The following PPP1R9A variants were observed in gnomAD, a reference collection of about 807,000 sequenced individuals.
PPP1R9A encodes neurabin-1.
In PPP1R9A, 59 loss-of-function variants were observed where a neutral mutation model predicts 141.9. That is an observed-to-expected ratio of 0.42 (90% CI 0.34 to 0.52). The LOEUF is 0.52. Ranked by LOEUF, PPP1R9A falls within the 20% of genes least tolerant of loss-of-function variation. The probability of loss-of-function intolerance (pLI) is 0.10; values close to 1 mark genes in which losing one functional copy is unlikely to be tolerated. For synonymous variants in PPP1R9A, 500 were observed against 569.7 expected (o/e 0.88, Z 1.74); for missense variants, 1,444 against 1,611.9 (o/e 0.90, Z 1.78).
chr7:94,958,473 A>C (rs560993245), intron 2 of PPP1R9A, among the ~76,000 whole-genome samples: 52 of 152,188 alleles, frequency 3.4e-4, no homozygotes, highest in African/African-American at 1.2e-3. Flanking sequence ...TACAGAAAAA[A>C]TATTCACCAA....
At chr7:95,181,121 C>T (rs902023551) in intron 5 of PPP1R9A, among the ~76,000 whole-genome samples, 8 of 149,480 alleles carry the variant, frequency 5.4e-5, no homozygotes, top group African/African-American at 1.2e-4. Flanking sequence ...ATGGAGCCAA[C>T]GCAAATGCCC....
intron 2 of PPP1R9A, among the ~76,000 whole-genome samples, chr7:95,020,096 TAAAG>T (rs1279492659): frequency 1.3e-5 from 2 of 152,206 alleles, no homozygotes; most frequent in Admixed American, 6.5e-5. Context: ...TAATTACCCT[TAAAG>T]AAGCCAGACC....
chr7:94,994,846 C>A (rs532594361), intron 2 of PPP1R9A, among the ~76,000 whole-genome samples: 96 of 151,674 alleles, frequency 6.3e-4, no homozygotes, highest in African/African-American at 2.2e-3. Flanking sequence ...GAGTTGACAT[C>A]GCGCCACCAC....
At position 95,196,688 on chromosome 7, in the gene PPP1R9A, A is replaced by G. The variant is rs148542588; in HGVS notation, c.1755-1661A>G. Among the ~76,000 whole-genome samples, 684 of 152,322 alleles carry G rather than the reference A, an allele frequency of 4.5e-3. 4 individuals carry two copies. The highest frequency in any genetic ancestry group is 0.015 in the African/African-American group (618 of 41,582). On this transcript the variant is annotated intron_variant, in intron 5 of 19. Coordinates refer to ENST00000433360, the MANE Select transcript of PPP1R9A (RefSeq NM_001166160.2). ...AAACCTCCAAATCATTGTGGTGAGC[A>G]AAACAAGCTAGATACTCTAAAATTC...
At chr7:95,274,269 A>C in intron 16 of PPP1R9A, 101 bp downstream of exon 16, 1 of 1,085,560 alleles carries the variant, frequency 9.2e-7, no homozygotes, top group Non-Finnish European at 1.3e-6. Flanking sequence ...CTTTGAGCTA[A>C]AGTGATATGC....
chr7:95,008,395 G>T (rs1454056907), intron 2 of PPP1R9A, among the ~76,000 whole-genome samples: 2 of 152,090 alleles, frequency 1.3e-5, no homozygotes, highest in African/African-American at 4.8e-5. Context: ...ATCTCTATTT[G>T]CCAAGAGGAA....
chr7:95,281,903 A>G (rs1282770142), intron 16 of PPP1R9A, among the ~76,000 whole-genome samples: 6 of 152,238 alleles, frequency 3.9e-5, no homozygotes, highest in Non-Finnish European at 7.3e-5. Flanking sequence ...TCAGAAATCT[A>G]TAACCAGAGG....
intron 16 of PPP1R9A, among the ~76,000 whole-genome samples, chr7:95,277,308 C>T (rs919546801): frequency 4.6e-5 from 7 of 151,934 alleles, no homozygotes; most frequent in East Asian, 1.9e-4. Flanking sequence ...GATACATGCG[C>T]GACATGAGAC....
chr7:95,165,200 G>C (rs755567361), intron 5 of PPP1R9A, among the ~76,000 whole-genome samples: 1 of 151,970 alleles, frequency 6.6e-6, no homozygotes, highest in Non-Finnish European at 1.5e-5. Context: ...TTTCTTTTGG[G>C]TTTTCTACTG....
intron 2 of PPP1R9A, among the ~76,000 whole-genome samples, chr7:95,074,905 T>C (rs1460938683): frequency 1.3e-5 from 2 of 152,180 alleles, no homozygotes; most frequent in Non-Finnish European, 2.9e-5. Flanking sequence ...ATATGATAGG[T>C]GATGAATGCT....
rs1275189576 is a variant in PPP1R9A at position 94,909,231 on chromosome 7, CATAATTA to C, written c.-216-661_-216-655del. Among the ~76,000 whole-genome samples the C allele has an allele frequency of 3.3e-5, 5 of 152,308 alleles. No homozygotes were observed. In the South Asian group the frequency reaches 1.0e-3, roughly 32 times the overall value. On this transcript the variant is annotated intron_variant, in intron 1 of 19. Coordinates refer to ENST00000433360, the MANE Select transcript of PPP1R9A (RefSeq NM_001166160.2). Reference sequence around the variant, plus strand: ...TCCCTTGGTAGTCTGCATCCCACTCCATAATTAATAATAACCACTGTTAGGAAACTTC... The same window carrying C: ...TCCCTTGGTAGTCTGCATCCCACTCCATAATAACCACTGTTAGGAAACTTC...
chr7:95,094,149 T>C (rs1341490669), intron 2 of PPP1R9A, among the ~76,000 whole-genome samples: 1 of 152,162 alleles, frequency 6.6e-6, no homozygotes, highest in Admixed American at 6.5e-5. Context: ...AATTTTTGGA[T>C]GATAGGATGA....
chr7:95,021,902 G>C (rs143651474), intron 2 of PPP1R9A, among the ~76,000 whole-genome samples: 2 of 152,092 alleles, frequency 1.3e-5, no homozygotes, highest in African/African-American at 4.8e-5. Context: ...GTTAGGTAGC[G>C]TGATGGCTCC....
chr7:95,052,076 G>A (rs1158407753), intron 2 of PPP1R9A, among the ~76,000 whole-genome samples: 1 of 152,116 alleles, frequency 6.6e-6, no homozygotes, highest in Non-Finnish European at 1.5e-5. Context: ...CTGACCTCAA[G>A]TGATTCACCT....
chr7:94,931,672 A>G (rs1477385741), intron 2 of PPP1R9A, among the ~76,000 whole-genome samples: 3 of 152,076 alleles, frequency 2.0e-5, no homozygotes, highest in Non-Finnish European at 4.4e-5. Flanking sequence ...TCCACCTCCC[A>G]GGTTTAAGTG....
chr7:95,055,125 T>C (rs1811339927), intron 2 of PPP1R9A, among the ~76,000 whole-genome samples: 1 of 152,198 alleles, frequency 6.6e-6, no homozygotes. Context: ...TAAGTGGAGA[T>C]AATATGTGCA....
chr7:95,017,007 C>T (rs12537182), intron 2 of PPP1R9A, among the ~76,000 whole-genome samples: 13,784 of 151,962 alleles, frequency 0.091, 692 homozygotes, highest in Admixed American at 0.14. Flanking sequence ...AGAGAAGAGA[C>T]GCAGTGGGAA....
At position 95,111,732 on chromosome 7, in the gene PPP1R9A, C is replaced by T. The variant is rs192652306; in HGVS notation, c.1528+341C>T. 4.6e-5 allele frequency among the ~76,000 whole-genome samples: 7 copies of T among 152,060 alleles called. No individual in the cohort carries two copies. The East Asian group carries it at 9.7e-4, about 21-fold the overall frequency. ...TATATGAGAGCTTGGGGCAGATGGT[C>T]GCTTTCTTTTGTTTTGGTGGATAAT... On this transcript the variant is annotated intron_variant, in intron 3 of 19. Coordinates refer to ENST00000433360, the MANE Select transcript of PPP1R9A (RefSeq NM_001166160.2).
intron 8 of PPP1R9A, among the ~76,000 whole-genome samples, chr7:95,245,599 TC>T (rs1413554348): frequency 6.6e-6 from 1 of 152,114 alleles, no homozygotes; most frequent in Non-Finnish European, 1.5e-5. Flanking sequence ...AGTATAGACC[TC>T]ATCAGTGAAG....
Sources: allele counts gnomAD v4.1 joint callset (sites outside exome capture counted in the v4.1 genomes callset), GRCh38; gene constraint gnomAD v4.1.1; transcripts MANE v1.5; gene names NCBI Gene and HGNC (gene_info 2026-07-23, HGNC 2026-07-21).